The following AGBL4 variants were observed in gnomAD, a reference collection of about 807,000 sequenced individuals.
AGBL4 encodes the protein cytosolic carboxypeptidase 6.
Under a neutral mutation model 66.4 loss-of-function variants are expected in AGBL4, and 58 were observed. That is an observed-to-expected ratio of 0.87 (90% CI 0.71 to 1.09). AGBL4 has a LOEUF of 1.09. Ranked by LOEUF, AGBL4 falls within the 50% of genes least tolerant of loss-of-function variation. The pLI, the probability that AGBL4 is intolerant of heterozygous loss-of-function variation, is 0.00. For synonymous variants in AGBL4, 234 were observed against 222.9 expected (o/e 1.05, Z -0.44); for missense variants, 579 against 631.0 (o/e 0.92, Z 0.88).
chr1:49,872,102 G>T (rs1172421640), intron 1 of AGBL4, among the ~76,000 whole-genome samples: 1 of 151,886 alleles, frequency 6.6e-6, no homozygotes, highest in East Asian at 1.9e-4. Context: ...AATATTTTGT[G>T]ATTTTTTTTG....
chr1:49,881,971 G>A (rs1222146749), intron 1 of AGBL4, among the ~76,000 whole-genome samples: 4 of 152,136 alleles, frequency 2.6e-5, no homozygotes, highest in Non-Finnish European at 5.9e-5. Flanking sequence ...CTGTGCCTAT[G>A]TCCTGAATGG....
intron 4 of AGBL4, among the ~76,000 whole-genome samples, chr1:49,144,580 G>A (rs532407920): frequency 1.3e-5 from 2 of 151,240 alleles, no homozygotes; most frequent in Non-Finnish European, 2.9e-5. Context: ...CACATCTGCT[G>A]CTCCCTCAGA....
intron 2 of AGBL4, among the ~76,000 whole-genome samples, chr1:49,789,044 A>G (rs915944121): frequency 1.3e-5 from 2 of 152,194 alleles, no homozygotes; most frequent in Non-Finnish European, 2.9e-5. Context: ...GAGAGTTTTG[A>G]GCATGAAGCG....
rs926091868 is a variant in AGBL4 at position 49,385,032 on chromosome 1, C to T, written c.283-139168G>A. ...GCCTGAATGAACCTGGAGGACATTC[C>T]GTTAAGTGAAATAAGCCAGTCACAA... On this transcript the variant is annotated intron_variant, in intron 3 of 13. Transcript: ENST00000371839. Among the ~76,000 whole-genome samples, 93 of 152,128 alleles carry T rather than the reference C, an allele frequency of 6.1e-4. 1 individual carries two copies. Among genetic ancestry groups the T allele is most frequent in the African/African-American group, 2.1e-3 (88 of 41,508 alleles).
At chr1:48,598,838 A>G (rs1645034538) in intron 9 of AGBL4, among the ~76,000 whole-genome samples, 1 of 152,046 alleles carries the variant, frequency 6.6e-6, no homozygotes, top group Non-Finnish European at 1.5e-5. Context: ...GCTTACTGGG[A>G]CTTTTTTACT....
intron 3 of AGBL4, among the ~76,000 whole-genome samples, chr1:49,598,156 T>A (rs1003306587): frequency 6.6e-6 from 1 of 152,186 alleles, no homozygotes; most frequent in African/African-American, 2.4e-5. Context: ...GGGTTTGTCA[T>A]AAATAGCTCT....
Position 48,791,184 on chromosome 1 carries a change from T to C in AGBL4, c.634+76007A>G, listed in dbSNP as rs183786559. On this transcript the variant is annotated intron_variant, in intron 6 of 13. Transcript: ENST00000371839. ...GGGCCTTATCGCTGTCCTCCATTGC[T>C]CGGCATTCCCTTGATTACAATGAAA... 1.5e-3 allele frequency among the ~76,000 whole-genome samples: 227 copies of C among 152,356 alleles called. 1 individual carries two copies. Among genetic ancestry groups the C allele is most frequent in the Admixed American group, 7.7e-3 (118 of 15,302 alleles).
chr1:49,110,431 C>A (rs183830598), intron 4 of AGBL4, among the ~76,000 whole-genome samples: 1 of 152,080 alleles, frequency 6.6e-6, no homozygotes, highest in Non-Finnish European at 1.5e-5. Context: ...AAAGTTCAGA[C>A]CTTCTTCTAT....
At chr1:48,952,999 CA>C (rs1369256552) in intron 5 of AGBL4, among the ~76,000 whole-genome samples, 1 of 152,108 alleles carries the variant, frequency 6.6e-6, no homozygotes, top group Admixed American at 6.6e-5. Flanking sequence ...GTTCTTTAGC[CA>C]CTGACACTGT....
At chr1:48,856,765 C>T (rs901470688) in intron 6 of AGBL4, among the ~76,000 whole-genome samples, 1 of 152,156 alleles carries the variant, frequency 6.6e-6, no homozygotes, top group Non-Finnish European at 1.5e-5. Flanking sequence ...ATAAACCTAG[C>T]TGTGATTTTT....
intron 6 of AGBL4, chr1:48,761,285 GA>G: frequency 6.6e-7 from 1 of 1,506,788 alleles, no homozygotes; most frequent in Non-Finnish European, 8.9e-7. Context: ...TTAGCTACGA[GA>G]TATCTGAAAA....
chr1:49,515,492 G>T (rs1649710719), intron 3 of AGBL4, among the ~76,000 whole-genome samples: 4 of 151,746 alleles, frequency 2.6e-5, no homozygotes, highest in Admixed American at 2.6e-4. Flanking sequence ...ATTCCTCAGG[G>T]ATCTAGAACT....
chr1:49,201,120 A>G (rs1356655330), intron 4 of AGBL4, among the ~76,000 whole-genome samples: 1 of 152,176 alleles, frequency 6.6e-6, no homozygotes, highest in Non-Finnish European at 1.5e-5. Flanking sequence ...CCTTAGAGAA[A>G]AGGGCTCTAT....
chr1:49,073,181 G>C (rs964295434), intron 4 of AGBL4, among the ~76,000 whole-genome samples: 9 of 151,890 alleles, frequency 5.9e-5, no homozygotes, highest in Admixed American at 3.3e-4. Flanking sequence ...TCTTTGCATT[G>C]GGTTAGAACA....
intron 5 of AGBL4, among the ~76,000 whole-genome samples, chr1:48,875,125 C>T (rs1248102032): frequency 6.6e-6 from 1 of 152,178 alleles, no homozygotes; most frequent in South Asian, 2.1e-4. Context: ...GCTAGCTAGA[C>T]AGATAGAAGA....
Position 49,082,505 on chromosome 1 carries a change from A to T in AGBL4, c.378-36705T>A, listed in dbSNP as rs2147959667. Among the ~76,000 whole-genome samples the T allele has an allele frequency of 1.3e-5, 2 of 152,208 alleles. 1 individual carries two copies. Among genetic ancestry groups the T allele is most frequent in the Middle Eastern group, 6.8e-3 (2 of 294 alleles). Reference sequence around the variant, plus strand: ...CAGGCAAGAGAGCTTGTACTGGGGAACTCCCATGTATTAAACCATCAGATC... The same window carrying T: ...CAGGCAAGAGAGCTTGTACTGGGGATCTCCCATGTATTAAACCATCAGATC... On this transcript the variant is annotated intron_variant, in intron 4 of 13. Transcript: ENST00000371839.
At chr1:49,111,404 A>G (rs528695) in intron 4 of AGBL4, among the ~76,000 whole-genome samples, 103,870 of 152,140 alleles carry the variant, frequency 0.68, 36,052 homozygotes, top group African/African-American at 0.75. Flanking sequence ...GAGCCACCGC[A>G]CCTGGCCCAA....
At position 48,886,002 on chromosome 1, in the gene AGBL4, C is replaced by T. The variant is rs570234287; in HGVS notation, c.595-18772G>A. On this transcript the variant is annotated intron_variant, in intron 5 of 13. Coordinates refer to ENST00000371839, the MANE Select transcript of AGBL4 (RefSeq NM_032785.4). ...ATGCAGAAGCCTCTGCCAGGACCCA[C>T]GAGCTCCCTTTCCCTTTTCTCCCCA... Among the ~76,000 whole-genome samples, 9 of 152,308 alleles carry T rather than the reference C, an allele frequency of 5.9e-5. No individual in the cohort carries two copies. The South Asian group carries it at 1.5e-3, about 25-fold the overall frequency.
chr1:49,675,443 A>G (rs991982787), intron 3 of AGBL4, among the ~76,000 whole-genome samples: 1 of 152,028 alleles, frequency 6.6e-6, no homozygotes, highest in Non-Finnish European at 1.5e-5. Flanking sequence ...GAGGGAGGTA[A>G]GCCGGGAAAA....
Sources: allele counts gnomAD v4.1 joint callset (sites outside exome capture counted in the v4.1 genomes callset), GRCh38; gene constraint gnomAD v4.1.1; transcripts MANE v1.5; gene names NCBI Gene and HGNC (gene_info 2026-07-23, HGNC 2026-07-21).